The following RNF168 variants were observed in gnomAD, a reference collection of about 807,000 sequenced individuals.
The protein encoded by RNF168 is E3 ubiquitin-protein ligase RNF168.
In RNF168, 34 loss-of-function variants were observed where a neutral mutation model predicts 34.9. The ratio of observed to expected loss-of-function variants is 0.97; its 90% CI spans 0.74 to 1.30. The LOEUF is 1.30. Among genes scored for constraint, RNF168 ranks in the 50% most tolerant of loss-of-function variants. The pLI is 0.00. For missense variants in RNF168, 725 were observed against 682.5 expected, an observed-to-expected ratio of 1.06 and a Z score of -0.69; for synonymous variants, 264 against 254.7, an observed-to-expected ratio of 1.04 and a Z score of -0.35.
rs552043315 is a variant in RNF168, at chr3:196,472,072, T to C, written c.1463A>G (p.Asn488Ser). ...ATCTTTGGGATTCTTCCTCTGTCCA[T>C]TTAGCACTTTGTCTGGAGGGGAGGA... ...ATSSPPDKVL[N>S]GQRKNPKDGN... The change falls in exon 6 of 6, where the codon AAT becomes AGT. Residue 488 changes from asparagine (N) to serine (S), a missense_variant. Asn to Ser is a conservative substitution (Grantham distance 46). Coordinates refer to ENST00000318037, the MANE Select transcript of RNF168 (RefSeq NM_152617.4). 5.0e-6 allele frequency: 8 copies of C among 1,613,624 alleles called. No homozygotes were observed. The East Asian group carries it at 1.6e-4, about 31-fold the overall frequency.
At chr3:196,486,623 CG>C (rs1560271672) in intron 3 of RNF168, among the ~76,000 whole-genome samples, 1 of 152,204 alleles carries the variant, frequency 6.6e-6, no homozygotes, top group African/African-American at 2.4e-5. Context: ...CCCGAGCCAT[CG>C]CACCCTGGCA....
In RNF168 at chr3:196,472,302, G is replaced by A. The variant is rs201881858; in HGVS notation, c.1233C>T (p.Ser411=). The change falls in exon 6 of 6, where the codon TCC becomes TCT. Residue 411 remains serine (S), a synonymous_variant. Coordinates refer to ENST00000318037, the MANE Select transcript of RNF168 (RefSeq NM_152617.4). ...CCTCTTGATCTGGGGAAGATTCGGG[G>A]GACACTTTTCTTCTTTTTGCAGAAA... The part of the protein sequence containing the change: ...PCFSAKRRKV[S]PESSPDQEET... The A allele has an allele frequency of 2.0e-5, 33 of 1,613,738 alleles. No individual in the cohort carries two copies. The highest frequency in any genetic ancestry group is 2.7e-5 in the Non-Finnish European group (32 of 1,179,726).
intron 1 of RNF168, among the ~76,000 whole-genome samples, chr3:196,500,836 C>T (rs1398914559): frequency 6.6e-6 from 1 of 151,826 alleles, no homozygotes; most frequent in Admixed American, 6.6e-5. Flanking sequence ...CTCAGCCTCC[C>T]GAGTAGCTGG....
chr3:196,496,570 A>C (rs2108654175), intron 1 of RNF168, among the ~76,000 whole-genome samples: 1 of 152,376 alleles, frequency 6.6e-6, no homozygotes, highest in East Asian at 1.9e-4. Flanking sequence ...CTACACAAAC[A>C]GAGAAATATA....
intron 4 of RNF168, 37 bp from the exon 5 acceptor site, chr3:196,475,349 A>C (rs746209483): frequency 1.7e-6 from 2 of 1,206,718 alleles, no homozygotes; most frequent in South Asian, 2.4e-5. Context: ...AATGCTTTCA[A>C]AGACAGATGG....
chr3:196,499,270 C>G (rs2108655454), intron 1 of RNF168, among the ~76,000 whole-genome samples: 1 of 152,192 alleles, frequency 6.6e-6, no homozygotes, highest in East Asian at 1.9e-4. Context: ...AGTGACTCAG[C>G]TGCAAACCAG....
chr3:196,480,709 C>T (rs1732265962), intron 4 of RNF168, among the ~76,000 whole-genome samples: 1 of 152,162 alleles, frequency 6.6e-6, no homozygotes, highest in African/African-American at 2.4e-5. Context: ...GTGGTAAAAT[C>T]ACAGCTCACT....
chr3:196,498,546 G>C (rs539205205), intron 1 of RNF168, among the ~76,000 whole-genome samples: 219 of 152,156 alleles, frequency 1.4e-3, no homozygotes, highest in Non-Finnish European at 2.2e-3. Flanking sequence ...TACACACACA[G>C]AGACACAAAA....
rs529456488 is a variant in RNF168 at position 196,498,646 on chromosome 3, A to G, written c.301+4227T>C. Among the ~76,000 whole-genome samples the G allele has an allele frequency of 5.9e-5, 9 of 152,306 alleles. No homozygotes were observed. The South Asian group carries it at 1.5e-3, about 25-fold the overall frequency. On this transcript the variant is annotated intron_variant, in intron 1 of 5. Coordinates refer to ENST00000318037, the MANE Select transcript of RNF168 (RefSeq NM_152617.4). Reference sequence around the variant, plus strand: ...CTGTATCAGTGGAGAATGGCCAATCATATACAGCATAGTCAATGGTGGAAT... The same window carrying G: ...CTGTATCAGTGGAGAATGGCCAATCGTATACAGCATAGTCAATGGTGGAAT...
At position 196,471,820 on chromosome 3, in the gene RNF168, T is replaced by C; in HGVS notation, c.1715A>G (p.Ter572=). The C allele has an allele frequency of 1.3e-6, 2 of 1,596,782 alleles. No individual in the cohort carries two copies. Among genetic ancestry groups the C allele is most frequent in the Non-Finnish European group, 1.7e-6 (2 of 1,164,166 alleles). ...VFQMFQRCTK[*] is the part of the protein sequence containing the mutation. ...ACAAAGCACTCCCTTTACCAGGCCT[T>C]ACTTTGTGCATCTCTGAAACATCTG... The change falls in exon 6 of 6, where the codon TAA becomes TGA. Residue 572 remains the stop codon, a stop_retained_variant. Coordinates refer to ENST00000318037, the MANE Select transcript of RNF168 (RefSeq NM_152617.4).
intron 1 of RNF168, among the ~76,000 whole-genome samples, chr3:196,492,651 G>C (rs1268931432): frequency 6.6e-6 from 1 of 152,070 alleles, no homozygotes; most frequent in African/African-American, 2.4e-5. Flanking sequence ...GGTGGTGCAC[G>C]CCTGTAATCC....
At position 196,472,404 on chromosome 3, in the gene RNF168, C is replaced by G; in HGVS notation, c.1131G>C (p.Ser377=). The G allele has an allele frequency of 2.5e-6, 4 of 1,613,528 alleles. No individual in the cohort carries two copies. The highest frequency in any genetic ancestry group is 3.4e-6 in the Non-Finnish European group (4 of 1,179,822). ...NNTGETENEE[S]CLLISKEISK... The stretch of plus-strand genomic sequence containing the variant: ...AAATCTCCTTACTGATCAGTAGGCA[C>G]GACTCTTCATTTTCTGTCTCACCTG... The change falls in exon 6 of 6, where the codon TCG becomes TCC. Residue 377 remains serine (S), a synonymous_variant. Coordinates refer to ENST00000318037, the MANE Select transcript of RNF168 (RefSeq NM_152617.4).
At chr3:196,483,991 G>A (rs944399774) in intron 3 of RNF168, 100 bp from the exon 4 acceptor site, 11 of 903,326 alleles carry the variant, frequency 1.2e-5, no homozygotes, top group Non-Finnish European at 2.0e-5. Flanking sequence ...GCATTTTTCA[G>A]AAATTATAGT....
At chr3:196,476,411 CTCTCT>C (rs140992945) in intron 4 of RNF168, among the ~76,000 whole-genome samples, 9,697 of 150,786 alleles carry the variant, frequency 0.064, 364 homozygotes, top group Middle Eastern at 0.2. Context: ...TTTATATCAA[CTCTCT>C]TCTTTTTTTT....
chr3:196,484,521 G>A (rs1001936371), intron 3 of RNF168, among the ~76,000 whole-genome samples: 18 of 138,854 alleles, frequency 1.3e-4, no homozygotes, highest in African/African-American at 3.2e-4. Context: ...TCACTCTGTC[G>A]CCGAGGCTGG....
chr3:196,502,447 G>A (rs1260611633), intron 1 of RNF168, among the ~76,000 whole-genome samples: 3 of 152,010 alleles, frequency 2.0e-5, no homozygotes, highest in African/African-American at 7.2e-5. Context: ...AATTCCCCGG[G>A]CGTGATGGTG....
chr3:196,476,151 C>T (rs1433313893), intron 4 of RNF168, among the ~76,000 whole-genome samples: 2 of 151,932 alleles, frequency 1.3e-5, no homozygotes, highest in African/African-American at 2.4e-5. Context: ...TGAGCCACTG[C>T]GCCCAGCGTA....
chr3:196,481,959 T>TG (rs766956317), intron 4 of RNF168, among the ~76,000 whole-genome samples: 3,134 of 141,146 alleles, frequency 0.022, 93 homozygotes, highest in Middle Eastern at 0.042. Context: ...CCACTGTCCC[T>TG]GGCTTTTTTT....
rs1377749467 is a variant in RNF168 at position 196,502,725 on chromosome 3, C to T, written c.301+148G>A. ...TTTATAATCCATCGACATTTGGGGA[C>T]CCATAAACCCCCTAACCTCTGAGAA... On this transcript the variant is annotated intron_variant, in intron 1 of 5. Coordinates refer to ENST00000318037, the MANE Select transcript of RNF168 (RefSeq NM_152617.4). The T allele has an allele frequency of 8.2e-6, 6 of 735,596 alleles. No homozygotes were observed. In the East Asian group the frequency reaches 1.1e-4, roughly 13 times the overall value. 45.6% of individuals were successfully genotyped at this position (735,596 alleles called of 1,614,324 possible).
Sources: gnomAD v4.1 joint callset for allele counts (sites outside exome capture counted in the v4.1 genomes callset) on GRCh38, gnomAD v4.1.1 for gene constraint, MANE v1.5 for transcripts, NCBI Gene and HGNC (gene_info 2026-07-23, HGNC 2026-07-21) for gene names.